Variants in TMEM178B observed in about 807,000 individuals in gnomAD.
TMEM178B encodes the protein transmembrane protein 178B.
TMEM178B carries 5 observed loss-of-function variants against 31.0 expected under a neutral mutation model. The ratio of observed to expected loss-of-function variants is 0.16; its 90% CI spans 0.08 to 0.34. The LOEUF is 0.34. Ranked by LOEUF, TMEM178B falls within the 10% of genes least tolerant of loss-of-function variation. TMEM178B has a pLI of 1.00. For missense variants in TMEM178B, 275 were observed against 400.3 expected (o/e 0.69, Z 2.67); for synonymous variants, 164 against 164.0 (o/e 1.00, Z 0.00).
At chr7:141,203,490 C>A (rs1333584841) in intron 1 of TMEM178B, among the ~76,000 whole-genome samples, 1 of 152,220 alleles carries the variant, frequency 6.6e-6, no homozygotes, top group Non-Finnish European at 1.5e-5. Context: ...ATGTCCCTTC[C>A]TCCCTTTCTT....
chr7:141,357,689 T>C (rs574275659), intron 2 of TMEM178B, among the ~76,000 whole-genome samples: 1 of 152,368 alleles, frequency 6.6e-6, no homozygotes, highest in African/African-American at 2.4e-5. Flanking sequence ...CTACTTCGAA[T>C]TTATGGAATT....
At chr7:141,390,942 C>G (rs977358866) in intron 2 of TMEM178B, among the ~76,000 whole-genome samples, 2 of 152,110 alleles carry the variant, frequency 1.3e-5, no homozygotes, top group African/African-American at 4.8e-5. Flanking sequence ...AAGAATCACT[C>G]TGGTAGGGAG....
chr7:141,139,335 A>G (rs932778335), intron 1 of TMEM178B, among the ~76,000 whole-genome samples: 1 of 152,074 alleles, frequency 6.6e-6, no homozygotes, highest in African/African-American at 2.4e-5. Flanking sequence ...TTTATCTTCA[A>G]TATTTCATTT....
At chr7:141,146,809 C>T (rs1006902819) in intron 1 of TMEM178B, among the ~76,000 whole-genome samples, 3 of 152,158 alleles carry the variant, frequency 2.0e-5, no homozygotes, top group African/African-American at 7.2e-5. Flanking sequence ...CATCCTTTCC[C>T]ACCCCTTCTC....
chr7:141,174,821 A>G (rs1796401743), intron 1 of TMEM178B, among the ~76,000 whole-genome samples: 1 of 151,828 alleles, frequency 6.6e-6, no homozygotes, highest in Non-Finnish European at 1.5e-5. Flanking sequence ...CTGTTTTTTC[A>G]TGTAAATCTG....
chr7:141,221,729 G>A (rs1322038585), intron 2 of TMEM178B, among the ~76,000 whole-genome samples: 1 of 152,164 alleles, frequency 6.6e-6, no homozygotes, highest in Non-Finnish European at 1.5e-5. Context: ...TTTGGGGGAT[G>A]GGTGTTCTGA....
chr7:141,175,578 T>C (rs958148767), intron 1 of TMEM178B, among the ~76,000 whole-genome samples: 1 of 152,252 alleles, frequency 6.6e-6, no homozygotes. Context: ...ACGATACTGG[T>C]TTTTCCTATC....
At chr7:141,491,009 C>T in the TMEM178B span, among the ~76,000 whole-genome samples, 3 of 152,082 alleles carry the variant, frequency 2.0e-5, no homozygotes, top group Non-Finnish European at 4.4e-5. Flanking sequence ...CTCCAAAACT[C>T]ATACTCTTTT....
chr7:141,505,914 C>T, the TMEM178B span, among the ~76,000 whole-genome samples: 1 of 152,214 alleles, frequency 6.6e-6, no homozygotes, highest in African/African-American at 2.4e-5. Context: ...TGACTCCCCA[C>T]AATGGCTGTG....
intron 2 of TMEM178B, among the ~76,000 whole-genome samples, chr7:141,311,108 T>G (rs1224850041): frequency 1.3e-5 from 2 of 152,092 alleles, no homozygotes; most frequent in Non-Finnish European, 2.9e-5. Context: ...TGAGAACACA[T>G]GGACACAGGG....
chr7:141,486,885 GA>G, the TMEM178B span, among the ~76,000 whole-genome samples: 1 of 152,066 alleles, frequency 6.6e-6, no homozygotes, highest in South Asian at 2.1e-4. Context: ...ACAAATCAGG[GA>G]AAAGGAATGG....
chr7:141,265,170 A>G (rs976939772), intron 2 of TMEM178B, among the ~76,000 whole-genome samples: 1 of 152,186 alleles, frequency 6.6e-6, no homozygotes, highest in African/African-American at 2.4e-5. Context: ...CTTCGCAGGT[A>G]GAGATAAACC....
chr7:141,411,902 T>C (rs1049450542), intron 2 of TMEM178B, among the ~76,000 whole-genome samples: 1 of 152,216 alleles, frequency 6.6e-6, no homozygotes, highest in Non-Finnish European at 1.5e-5. Context: ...CTGGCTTGTC[T>C]TTAGTGACAG....
chr7:141,354,326 G>T (rs116423839), intron 2 of TMEM178B, among the ~76,000 whole-genome samples: 1 of 152,184 alleles, frequency 6.6e-6, no homozygotes, highest in African/African-American at 2.4e-5. Flanking sequence ...AAGAACTTAT[G>T]TATCAGAGAA....
intron 1 of TMEM178B, among the ~76,000 whole-genome samples, chr7:141,198,971 AAGCCAT>A (rs1223864326): frequency 2.6e-5 from 4 of 152,204 alleles, no homozygotes; most frequent in Non-Finnish European, 4.4e-5. Context: ...TGGTAATCTA[AAGCCAT>A]ACCTCACCTT....
intron 1 of TMEM178B, among the ~76,000 whole-genome samples, chr7:141,189,269 A>G (rs1796658909): frequency 6.6e-6 from 1 of 152,244 alleles, no homozygotes; most frequent in African/African-American, 2.4e-5. Flanking sequence ...CACGTGAAGC[A>G]TTGAGTGAAG....
At chr7:141,248,334 C>T (rs1171134853) in intron 2 of TMEM178B, among the ~76,000 whole-genome samples, 1 of 152,168 alleles carries the variant, frequency 6.6e-6, no homozygotes, top group Non-Finnish European at 1.5e-5. Context: ...TCGCTTGAAC[C>T]TGGGAGGCGG....
intron 1 of TMEM178B, among the ~76,000 whole-genome samples, chr7:141,113,332 G>C (rs1001310475): frequency 1.3e-5 from 2 of 152,160 alleles, no homozygotes; most frequent in African/African-American, 4.8e-5. Flanking sequence ...TCCCATCACT[G>C]TCCATCTGTT....
At chr7:141,343,664 C>T (rs181668985) in intron 2 of TMEM178B, among the ~76,000 whole-genome samples, 1 of 151,774 alleles carries the variant, frequency 6.6e-6, no homozygotes, top group African/African-American at 2.4e-5. Flanking sequence ...ATTCTCTTGC[C>T]TCAGCCTCCC....
Sources: gnomAD v4.1 joint callset for allele counts (sites outside exome capture counted in the v4.1 genomes callset) on GRCh38, gnomAD v4.1.1 for gene constraint, MANE v1.5 for transcripts, NCBI Gene and HGNC (gene_info 2026-07-23, HGNC 2026-07-21) for gene names.